The following ALDH16A1 variants were observed in gnomAD, a reference collection of about 807,000 sequenced individuals.
ALDH16A1 encodes the protein aldehyde dehydrogenase family 16 member A1.
A neutral mutation model predicts 96.1 loss-of-function variants in ALDH16A1; 88 were observed. That is an observed-to-expected ratio of 0.92 (90% CI 0.77 to 1.09). ALDH16A1 has a LOEUF of 1.09. Among genes scored for constraint, ALDH16A1 ranks in the 50% least tolerant of loss-of-function variants. The probability of loss-of-function intolerance (pLI) is 0.00; values close to 1 mark genes in which losing one functional copy is unlikely to be tolerated. For missense variants in ALDH16A1, 1,250 were observed against 1,112.6 expected, an observed-to-expected ratio of 1.12 and a Z score of -1.76; for synonymous variants, 522 against 496.4, an observed-to-expected ratio of 1.05 and a Z score of -0.69.
intron 1 of ALDH16A1, among the ~76,000 whole-genome samples, chr19:49,457,631 A>G (rs913390861): frequency 1.3e-5 from 2 of 150,200 alleles, no homozygotes; most frequent in African/African-American, 4.9e-5. Flanking sequence ...TTTCTTTGAG[A>G]CAGAGCCTTG....
Position 49,468,172 on chromosome 19 carries a change from AAAG to A in ALDH16A1, c.1939-206_1939-204del, listed in dbSNP as rs1290786236. ...GAGAGTCCGTCTCAAAAAAAAAAAA[AAAG>A]AAAGGCGGTTATGCAGGATGTTTCT... On this transcript the variant is annotated intron_variant, in intron 14 of 16. Transcript: ENST00000293350. The surrounding 1 kb of genome is among the most constrained non-coding windows in gnomAD (Gnocchi z 4.4). 44 of 543,184 alleles carry A rather than the reference AAAG, an allele frequency of 8.1e-5. No homozygotes were observed. The highest frequency in any genetic ancestry group is 4.5e-4 in the African/African-American group (23 of 51,344). 33.6% of individuals were successfully genotyped at this position (543,184 alleles called of 1,614,324 possible).
chr19:49,468,674 C>G lies in ALDH16A1; in HGVS notation c.2124+108C>G. On this transcript the variant is annotated intron_variant, in intron 15 of 16. Coordinates refer to ENST00000293350, the MANE Select transcript of ALDH16A1 (RefSeq NM_153329.4). The surrounding 1 kb of genome is among the most constrained non-coding windows in gnomAD (Gnocchi z 4.4). ...TCTCTTACCCCACCCTCCGTGGTAC[C>G]CATGCTGCCCCCAGCCCCAGCACCC... 7.0e-7 allele frequency: 1 copy of G among 1,428,450 alleles called. No homozygotes were observed. 88.5% of individuals were successfully genotyped at this position (1,428,450 alleles called of 1,614,324 possible).
intron 4 of ALDH16A1, 94 bp from the exon 5 acceptor site, chr19:49,460,728 T>TTTCCTAA: frequency 9.6e-7 from 1 of 1,037,996 alleles, no homozygotes; most frequent in African/African-American, 1.6e-5. Flanking sequence ...TTTTTTTTTT[T>TTTCCTAA]TCCTAATGTA....
intron 14 of ALDH16A1, among the ~76,000 whole-genome samples, chr19:49,467,644 T>C (rs1335750299): frequency 6.6e-6 from 1 of 151,396 alleles, no homozygotes; most frequent in Non-Finnish European, 1.5e-5. Context: ...TCCGCCCACC[T>C]TGGCCTCCCA....
intron 7 of ALDH16A1, 122 bp downstream of exon 7, chr19:49,462,158 GT>G: frequency 1.4e-5 from 19 of 1,353,118 alleles, no homozygotes; most frequent in Non-Finnish European, 1.8e-5. Flanking sequence ...TTGAGACGGA[GT>G]TTCACTCTTG....
At chr19:49,458,043 G>C (rs1399232064) in intron 1 of ALDH16A1, among the ~76,000 whole-genome samples, 2 of 151,962 alleles carry the variant, frequency 1.3e-5, no homozygotes, top group South Asian at 2.1e-4. Context: ...GTGAAACCCC[G>C]TCTCTACTAA....
intron 13 of ALDH16A1, 41 bp from the exon 14 acceptor site, chr19:49,466,041 G>A (rs1270408430): frequency 4.5e-6 from 7 of 1,538,992 alleles, no homozygotes; most frequent in East Asian, 2.4e-5. Flanking sequence ...GGAGAGCCAA[G>A]ACCAGGATGC....
rs2079151209 is a variant in ALDH16A1, at chr19:49,461,867, C to G, written c.760-17C>G. 1 of 1,592,888 alleles carries G rather than the reference C, an allele frequency of 6.3e-7. No individual in the cohort carries two copies. Among genetic ancestry groups the G allele is most frequent in the Non-Finnish European group, 8.5e-7 (1 of 1,170,254 alleles). ...CCGCAAGGCTCCTCCTGCGGCTGAA[C>G]TGGGGGGGGTCCCTAGGAAGGGCGT... is the stretch of plus-strand genomic sequence containing the variant. On this transcript the variant is annotated splice_polypyrimidine_tract_variant and intron_variant, in intron 6 of 16. Transcript: ENST00000293350.
chr19:49,459,752 C>A lies in ALDH16A1; in HGVS notation c.403C>A (p.Arg135=), dbSNP rs771158582. 6.2e-7 allele frequency: 1 copy of A among 1,613,668 alleles called. No homozygotes were observed. The highest frequency in any genetic ancestry group is 8.5e-7 in the Non-Finnish European group (1 of 1,179,912). The change falls in exon 4 of 17, where the codon CGA becomes AGA. Residue 135 remains arginine, a synonymous_variant. Transcript: ENST00000293350. This position sits in a 1 kb window ranked among gnomAD's most constrained non-coding sequence, Gnocchi z 4.1. ...LVTGRAVREV[R]DGDVQLAQQL... ...GACTGGGCGGGCTGTTCGAGAGGTT[C>A]GAGACGGGGACGTCCAGCTGGCCCA... is the stretch of plus-strand genomic sequence containing the variant.
Position 49,467,495 on chromosome 19 carries a change from C to T in ALDH16A1, c.1939-886C>T, listed in dbSNP as rs533956515. Among the ~76,000 whole-genome samples, 248 of 151,426 alleles carry T rather than the reference C, an allele frequency of 1.6e-3. 2 individuals carry two copies. Among genetic ancestry groups the T allele is most frequent in the African/African-American group, 5.6e-3 (230 of 41,256 alleles). The stretch of plus-strand genomic sequence containing the variant: ...CTGCAACCTCTGCATCCCAGGTTCA[C>T]GCCATTCTCCTGCCCCAGCCTTCCG... On this transcript the variant is annotated intron_variant, in intron 14 of 16. Coordinates refer to ENST00000293350, the MANE Select transcript of ALDH16A1 (RefSeq NM_153329.4).
At position 49,458,556 on chromosome 19, in the gene ALDH16A1, G is replaced by A. The variant is rs1261617954; in HGVS notation, c.161G>A (p.Arg54Lys). The change falls in exon 2 of 17, where the codon AGA becomes AAA. Residue 54 changes from arginine to lysine, a missense_variant. Physicochemically the swap from Arg to Lys is conservative, Grantham distance 26. Transcript: ENST00000293350. The stretch of plus-strand genomic sequence containing the variant: ...GGGAAGTGGTTAAAGCCTGAACACA[G>A]AAATTCAGTGCCTTGCCAGGATCCC... ...VNGKWLKPEH[R>K]NSVPCQDPIT... 6.4e-7 allele frequency: 1 copy of A among 1,564,242 alleles called. No homozygotes were observed. The highest frequency in any genetic ancestry group is 1.2e-5 in the South Asian group (1 of 85,330).
Position 49,466,209 on chromosome 19 carries a change from G to A in ALDH16A1, c.1864G>A (p.Ala622Thr). The A allele has an allele frequency of 3.9e-6, 6 of 1,534,572 alleles. No homozygotes were observed. The highest frequency in any genetic ancestry group is 5.3e-6 in the Non-Finnish European group (6 of 1,141,752). The change falls in exon 14 of 17, where the codon GCG (alanine) becomes ACG (threonine). Residue 622 changes from alanine (A) to threonine (T), a missense_variant. Transcript: ENST00000293350. Reference protein sequence around the residue: ...RQGAELKAAEAEVELSARRLR... With the variant: ...RQGAELKAAETEVELSARRLR... The stretch of plus-strand genomic sequence containing the variant: ...GGGAGCGGAGCTCAAGGCTGCGGAG[G>A]CGGAGGTGGAGCTGAGCGCAAGACG...
Position 49,459,903 on chromosome 19 carries a change from TC to T in ALDH16A1, c.499+57del, listed in dbSNP as rs1169162830. On this transcript the variant is annotated intron_variant, in intron 4 of 16. Transcript: ENST00000293350. The surrounding 1 kb of genome is among the most constrained non-coding windows in gnomAD (Gnocchi z 4.1). ...TCCCACATGACTCAGCAGTGCTAGC[TC>T]CAGTCCCCTCATTCTTTTTCTTTTA... The T allele has an allele frequency of 3.9e-6, 6 of 1,536,118 alleles. No individual in the cohort carries two copies. The highest frequency in any genetic ancestry group is 5.3e-6 in the Non-Finnish European group (6 of 1,142,684).
Position 49,470,527 on chromosome 19 carries a change from A to G in ALDH16A1, c.*60A>G, listed in dbSNP as rs1055637. 0.35 allele frequency: 502,902 copies of G among 1,433,308 alleles called. 91,791 individuals carry two copies. Among genetic ancestry groups the G allele is most frequent in the African/African-American group, 0.59 (40,133 of 68,142 alleles). 88.8% of individuals were successfully genotyped at this position (1,433,308 alleles called of 1,614,324 possible). ...CACACCAAGGGGAGATGCACCCCACAGACACCTGGGACTTTCCCCTTCTGG... is the reference window on the plus strand; with the variant it reads ...CACACCAAGGGGAGATGCACCCCACGGACACCTGGGACTTTCCCCTTCTGG... On this transcript the variant is annotated 3_prime_UTR_variant, in exon 17 of 17. Coordinates refer to ENST00000293350, the MANE Select transcript of ALDH16A1 (RefSeq NM_153329.4).
rs377673118 is a variant in ALDH16A1, at chr19:49,459,724, G to A, written c.375G>A (p.Leu125=). The change falls in exon 4 of 17, where the codon CTG becomes CTA. Residue 125 remains leucine, a synonymous_variant. Coordinates refer to ENST00000293350, the MANE Select transcript of ALDH16A1 (RefSeq NM_153329.4). This position sits in a 1 kb window ranked among gnomAD's most constrained non-coding sequence, Gnocchi z 4.1. ...GGCTGCTGTGGACCCTGGAATCCCT[G>A]GTGACTGGGCGGGCTGTTCGAGAGG... ...HQRLLWTLES[L]VTGRAVREVR... The A allele has an allele frequency of 5.6e-5, 90 of 1,613,402 alleles. No individual in the cohort carries two copies. In the African/African-American group the frequency reaches 1.0e-3, roughly 18 times the overall value.
chr19:49,462,424 C>A, intron 7 of ALDH16A1, 146 bp from the exon 8 acceptor site: 2 of 1,067,966 alleles, frequency 1.9e-6, no homozygotes, highest in East Asian at 2.6e-5. Flanking sequence ...TGTGAGCCAC[C>A]GCATCCGGCC....
intron 13 of ALDH16A1, 72 bp from the exon 14 acceptor site, chr19:49,466,010 G>A (rs2079194803): frequency 1.3e-6 from 2 of 1,536,822 alleles, no homozygotes; most frequent in South Asian, 2.4e-5. Context: ...GGTAGGGGCT[G>A]TGGACAGAGG....
intron 4 of ALDH16A1, among the ~76,000 whole-genome samples, chr19:49,460,609 T>C (rs1300145139): frequency 1.3e-5 from 2 of 151,988 alleles, no homozygotes; most frequent in African/African-American, 4.8e-5. Flanking sequence ...AGATGGGGTT[T>C]TTCCATGTTG....
At chr19:49,461,395 TG>T (rs1250943406) in intron 5 of ALDH16A1, among the ~76,000 whole-genome samples, 1 of 138,222 alleles carries the variant, frequency 7.2e-6, no homozygotes, top group Non-Finnish European at 1.5e-5. Flanking sequence ...GAGGAGGGGC[TG>T]GAGTCTGGAC....
Sources: allele counts gnomAD v4.1 joint callset (sites outside exome capture counted in the v4.1 genomes callset), GRCh38; gene constraint gnomAD v4.1.1; non-coding constraint Gnocchi (gnomAD v3.1); transcripts MANE v1.5; gene names NCBI Gene and HGNC (gene_info 2026-07-23, HGNC 2026-07-21).